Variants in E2F4 observed in about 807,000 individuals in gnomAD.
E2F4 encodes transcription factor E2F4.
E2F4 carries 16 observed loss-of-function variants against 44.5 expected under a neutral mutation model. The ratio of observed to expected loss-of-function variants is 0.36; its 90% CI spans 0.24 to 0.55. The LOEUF is 0.55. Ranked by LOEUF, E2F4 falls within the 20% of genes least tolerant of loss-of-function variation. The pLI, the probability that E2F4 is intolerant of heterozygous loss-of-function variation, is 0.87. For synonymous variants in E2F4, 242 were observed against 207.2 expected (o/e 1.17, Z -1.44); for missense variants, 473 against 522.1 (o/e 0.91, Z 0.92).
Position 67,192,269 on chromosome 16 carries a change from T to G in E2F4, c.42T>G (p.Thr14=). ...CACAGGCGCCGCCGCCCCCGGGCAC[T>G]CCAAGCCGGCACGAAAAGAGCCTGG... ...AGPQAPPPPG[T]PSRHEKSLGL... Residue 14 remains threonine (T), a synonymous_variant, in exon 1 of 10, where the codon ACT becomes ACG. Transcript: ENST00000379378. 2 of 1,322,468 alleles carry G rather than the reference T, an allele frequency of 1.5e-6. No individual in the cohort carries two copies. Among genetic ancestry groups the G allele is most frequent in the African/African-American group, 1.5e-5 (1 of 65,596 alleles). The allele number at this position is 1,322,468 out of a possible 1,614,324, so 81.9% of individuals were successfully genotyped here.
rs2032915490 is a variant in E2F4, at chr16:67,193,187, C to T, written c.407+17C>T. 2 of 1,559,024 alleles carry T rather than the reference C, an allele frequency of 1.3e-6. No individual in the cohort carries two copies. Among genetic ancestry groups the T allele is most frequent in the Non-Finnish European group, 8.7e-7 (1 of 1,150,668 alleles). ...GAACAGCTGATATCCTCCTGGCGGT[C>T]CCTGCTGGGGGGAGTGGGCAAGGGG... On this transcript the variant is annotated intron_variant, in intron 3 of 9. Coordinates refer to ENST00000379378, the MANE Select transcript of E2F4 (RefSeq NM_001950.4).
chr16:67,192,424 G>A (rs930903095), intron 1 of E2F4, 62 bp downstream of exon 1: 169 of 1,402,198 alleles, frequency 1.2e-4, no homozygotes, highest in Non-Finnish European at 1.5e-4. Flanking sequence ...CCGGTAGCGG[G>A]AACCCCGGGG....
chr16:67,194,925 TGTCCCTGGCAGTGCAGAA>T lies in E2F4; in HGVS notation c.758_775del (p.Pro253_Val258del). 1 of 1,614,192 alleles carries T rather than the reference TGTCCCTGGCAGTGCAGAA, an allele frequency of 6.2e-7. No individual in the cohort carries two copies. The highest frequency in any genetic ancestry group is 1.1e-5 in the South Asian group (1 of 91,078). ...ATAGTCCTCAGCTCACTCCCACTGC[TGTCCCTGGCAGTGCAGAA>T]GTCCAGGGAATGGCTGGCCCAGCAG... On this transcript the variant is annotated inframe_deletion, in exon 6 of 10. Transcript: ENST00000379378.
rs1201555355 is a variant in E2F4 at position 67,192,414 on chromosome 16, C to T, written c.135+52C>T. 2.1e-6 allele frequency: 3 copies of T among 1,410,236 alleles called. No homozygotes were observed. In the East Asian group the frequency reaches 7.9e-5, roughly 37 times the overall value. The allele number at this position is 1,410,236 out of a possible 1,614,324, so 87.4% of individuals were successfully genotyped here. A position where few individuals can be genotyped will look rare whatever the true frequency, so the allele number is the denominator to read the frequency against. ...GGGAGGCTGGTGGACCAGGCCTGGG[C>T]CGGTAGCGGGAACCCCGGGGGCGGC... On this transcript the variant is annotated intron_variant, in intron 1 of 9. Coordinates refer to ENST00000379378, the MANE Select transcript of E2F4 (RefSeq NM_001950.4).
chr16:67,192,732 G>A (rs1330325674), intron 1 of E2F4, 29 bp from the exon 2 acceptor site: 1 of 1,586,606 alleles, frequency 6.3e-7, no homozygotes, highest in South Asian at 1.1e-5. Context: ...CCCAGAGTGG[G>A]GCTGAGCATT....
intron 9 of E2F4, 37 bp from the exon 10 acceptor site, chr16:67,197,971 G>T (rs774879472): frequency 6.2e-7 from 1 of 1,613,868 alleles, no homozygotes. Context: ...TGCTAGGGGA[G>T]CCCTGGCCCA....
At chr16:67,197,692 C>G (rs367771994) in intron 8 of E2F4, 46 bp downstream of exon 8, 8 of 1,607,126 alleles carry the variant, frequency 5.0e-6, no homozygotes, top group East Asian at 4.5e-5. Flanking sequence ...AGGGACACAG[C>G]TCATTGGGTC....
rs889474718 is a variant in E2F4 at position 67,198,392 on chromosome 16, C to T, written c.*269C>T. The T allele has an allele frequency of 2.8e-5, 13 of 457,550 alleles. No homozygotes were observed. The highest frequency in any genetic ancestry group is 1.6e-4 in the East Asian group (4 of 24,470). 28.3% of individuals were successfully genotyped at this position (457,550 alleles called of 1,614,324 possible). ...TCTGCGGCCTTCGCCAGCCCAGGCT[C>T]GGCTGCCACCCAGTGGCACAGAACC... On this transcript the variant is annotated 3_prime_UTR_variant, in exon 10 of 10. Transcript: ENST00000379378.
Position 67,195,889 on chromosome 16 carries a change from GACAGCAGCAGCAGCAGCAGCAGCAGCA to G in E2F4, c.917_943del (p.Asp306_Ser315delinsGly), listed in dbSNP as rs1567688529. On this transcript the variant is annotated inframe_deletion, in exon 7 of 10. Coordinates refer to ENST00000379378, the MANE Select transcript of E2F4 (RefSeq NM_001950.4). The stretch of plus-strand genomic sequence containing the variant: ...GCCACTGCAGTCTTCTGCCCTGCTG[GACAGCAGCAGCAGCAGCAGCAGCAGCA>G]GCAGCAGCAGCAGCAACAGTAACAG... 1 of 1,596,518 alleles carries G rather than the reference GACAGCAGCAGCAGCAGCAGCAGCAGCA, an allele frequency of 6.3e-7. No individual in the cohort carries two copies. Among genetic ancestry groups the G allele is most frequent in the East Asian group, 2.2e-5 (1 of 44,516 alleles).
intron 3 of E2F4, 28 bp from the exon 4 acceptor site, chr16:67,193,444 C>T (rs753672194): frequency 1.2e-5 from 20 of 1,613,876 alleles, no homozygotes; most frequent in Non-Finnish European, 1.7e-5. Context: ...CACCATAGGG[C>T]ATCAGCCATT....
At chr16:67,194,058 TCTTCTCCATCTTGTATGC>T in intron 4 of E2F4, 1 of 304,392 alleles carries the variant, frequency 3.3e-6, no homozygotes, top group Non-Finnish European at 6.2e-6. Flanking sequence ...CTGATGTGTT[TCTTCTCCATCTTGTATGC>T]TCCTGACTGG....
At position 67,198,178 on chromosome 16, in the gene E2F4, G is replaced by T; in HGVS notation, c.*55G>T. 1 of 1,541,296 alleles carries T rather than the reference G, an allele frequency of 6.5e-7. No homozygotes were observed. The highest frequency in any genetic ancestry group is 8.9e-7 in the Non-Finnish European group (1 of 1,119,558). ...ACCCAGACTGTCTGACCTGGGGGTT[G>T]CCTGGGGACCTCTCCCACCCGACCC... is the stretch of plus-strand genomic sequence containing the variant. On this transcript the variant is annotated 3_prime_UTR_variant, in exon 10 of 10. Transcript: ENST00000379378.
At chr16:67,196,117 C>T (rs1331031518) in intron 7 of E2F4, 111 bp downstream of exon 7, 1 of 1,486,196 alleles carries the variant, frequency 6.7e-7, no homozygotes, top group African/African-American at 1.4e-5. Context: ...CCCTGCTGGA[C>T]ACGAGAGCTC....
In E2F4 at chr16:67,197,993, T is replaced by C. The variant is rs756949405; in HGVS notation, c.1127-15T>C. On this transcript the variant is annotated splice_polypyrimidine_tract_variant and intron_variant, in intron 9 of 9. Transcript: ENST00000379378. ...GGAGCCCTGGCCCAGGGCCTGAGAC[T>C]AGTGCTCTCTGCAGTGTTTGCCCCT... is the stretch of plus-strand genomic sequence containing the variant. 18 of 1,613,900 alleles carry C rather than the reference T, an allele frequency of 1.1e-5. No individual in the cohort carries two copies. Among genetic ancestry groups the C allele is most frequent in the African/African-American group, 1.3e-5 (1 of 74,896 alleles).
At position 67,192,345 on chromosome 16, in the gene E2F4, G is replaced by A; in HGVS notation, c.118G>A (p.Val40Met). The change falls in exon 1 of 10, where the codon GTG (valine) becomes ATG (methionine). Residue 40 changes from valine (V) to methionine (M), a missense_variant. By Grantham distance (21) the Val-to-Met change is conservative. Coordinates refer to ENST00000379378, the MANE Select transcript of E2F4 (RefSeq NM_001950.4). ...VSLLQEAKDG[V>M]LDLKLAADTL... ...CCTTCTGCAGGAGGCCAAGGACGGC[G>A]TGCTTGACCTCAAGCTGGTGCGGCC... 4 of 1,413,824 alleles carry A rather than the reference G, an allele frequency of 2.8e-6. No individual in the cohort carries two copies. The highest frequency in any genetic ancestry group is 3.7e-6 in the Non-Finnish European group (4 of 1,081,160). The allele number at this position is 1,413,824 out of a possible 1,614,324, so 87.6% of individuals were successfully genotyped here. A position where few individuals can be genotyped will look rare whatever the true frequency, so the allele number is the denominator to read the frequency against.
intron 7 of E2F4, 119 bp from the exon 8 acceptor site, chr16:67,197,480 A>T (rs1013668161): frequency 9.8e-7 from 1 of 1,023,860 alleles, no homozygotes; most frequent in Non-Finnish European, 1.5e-6. Context: ...GGCAGGACCT[A>T]CATCTCCTTA....
intron 1 of E2F4, 138 bp downstream of exon 1, chr16:67,192,500 G>A (rs1000421645): frequency 3.2e-6 from 4 of 1,262,458 alleles, no homozygotes; most frequent in Non-Finnish European, 4.2e-6. Flanking sequence ...GAGAAGCCGG[G>A]GGATGTTTCA....
At chr16:67,195,541 C>A in intron 6 of E2F4, 1 of 777,782 alleles carries the variant, frequency 1.3e-6, no homozygotes, top group Non-Finnish European at 2.0e-6. Context: ...CCTGGTAGCC[C>A]GTCTTGAAGT....
chr16:67,193,179 C>T lies in E2F4; in HGVS notation c.407+9C>T. On this transcript the variant is annotated intron_variant, in intron 3 of 9. Coordinates refer to ENST00000379378, the MANE Select transcript of E2F4 (RefSeq NM_001950.4). ...GACGTGCAGAACAGCTGATATCCTC[C>T]TGGCGGTCCCTGCTGGGGGGAGTGG... 1.3e-6 allele frequency: 2 copies of T among 1,560,398 alleles called. No homozygotes were observed. The highest frequency in any genetic ancestry group is 2.4e-5 in the East Asian group (1 of 41,432).
Sources: allele counts gnomAD v4.1 joint callset, GRCh38; gene constraint gnomAD v4.1.1; transcripts MANE v1.5; gene names NCBI Gene and HGNC (gene_info 2026-07-23, HGNC 2026-07-21).